The following ANG variants were observed in gnomAD, a reference collection of about 807,000 sequenced individuals.
ANG encodes Homo sapiens epididymis luminal protein 168.
For synonymous variants in ANG, 74 were observed against 73.8 expected (o/e 1.00, Z -0.02); for missense variants, 178 against 187.4 (o/e 0.95, Z 0.29).
Position 20,693,886 on chromosome 14 carries a change from C to T in ANG, c.322C>T (p.His108Tyr), listed in dbSNP as rs1489048735. 3 of 1,614,208 alleles carry T rather than the reference C, an allele frequency of 1.9e-6. No individual in the cohort carries two copies. The highest frequency in any genetic ancestry group is 1.7e-5 in the Admixed American group (1 of 60,028). The part of the protein sequence containing the change: ...SSFQVTTCKL[H>Y]GGSPWPPCQY... Reference sequence around the variant, plus strand: ...TTTCCAGGTCACCACTTGCAAGCTACATGGAGGTTCCCCCTGGCCTCCATG... The same window carrying T: ...TTTCCAGGTCACCACTTGCAAGCTATATGGAGGTTCCCCCTGGCCTCCATG... Residue 108 changes from histidine to tyrosine, a missense_variant, in exon 2 of 2, where the codon CAT becomes TAT. Coordinates refer to ENST00000397990, the MANE Select transcript of ANG (RefSeq NM_001097577.3).
chr14:20,692,596 G>A (rs1431559834), intron 1 of ANG, among the ~76,000 whole-genome samples: 1 of 152,218 alleles, frequency 6.6e-6, no homozygotes. Context: ...CACTCTTTAT[G>A]AGAATCTAAC....
intron 1 of ANG, among the ~76,000 whole-genome samples, chr14:20,689,629 A>G (rs1886602337): frequency 6.6e-6 from 1 of 152,222 alleles, no homozygotes; most frequent in Non-Finnish European, 1.5e-5. Context: ...TCTAAAGAAC[A>G]GTTGGGGCCA....
At chr14:20,690,517 T>C (rs2139011671) in intron 1 of ANG, among the ~76,000 whole-genome samples, 1 of 152,282 alleles carries the variant, frequency 6.6e-6, no homozygotes, top group African/African-American at 2.4e-5. Context: ...AGGGAGCAGA[T>C]GTTAGATATT....
upstream of ANG, chr14:20,688,757 AG>A: frequency 1.2e-5 from 12 of 985,238 alleles, no homozygotes; most frequent in Non-Finnish European, 1.4e-5. Flanking sequence ...CTATATAATC[AG>A]AACCTGGAGA....
chr14:20,694,099 A>T lies in ANG; in HGVS notation c.*91A>T, dbSNP rs924506738. ...AACAGTGGTGGCAACATTCATTGCC[A>T]AGGGCCCAAAGAAAGAGCTACCTGG... On this transcript the variant is annotated 3_prime_UTR_variant, in exon 2 of 2. Transcript: ENST00000397990. The T allele has an allele frequency of 1.4e-6, 2 of 1,447,008 alleles. No homozygotes were observed. Among genetic ancestry groups the T allele is most frequent in the Admixed American group, 3.4e-5 (2 of 59,496 alleles). The allele number at this position is 1,447,008 out of a possible 1,614,324, so 89.6% of individuals were successfully genotyped here.
In ANG at chr14:20,693,907, C is replaced by T; in HGVS notation, c.343C>T (p.Pro115Ser). Residue 115 changes from proline to serine, a missense_variant, in exon 2 of 2, where the codon CCA becomes TCA. Transcript: ENST00000397990. ...GCTACATGGAGGTTCCCCCTGGCCT[C>T]CATGCCAGTACCGAGCCACAGCGGG... ...CKLHGGSPWP[P>S]CQYRATAGFR... 6.2e-7 allele frequency: 1 copy of T among 1,614,208 alleles called. No homozygotes were observed. The highest frequency in any genetic ancestry group is 8.5e-7 in the Non-Finnish European group (1 of 1,180,030).
intron 1 of ANG, among the ~76,000 whole-genome samples, chr14:20,689,646 G>A (rs1328775801): frequency 6.6e-6 from 1 of 152,212 alleles, no homozygotes; most frequent in Non-Finnish European, 1.5e-5. Context: ...GCCAGGTGTG[G>A]TGGCTCACAC....
intron 1 of ANG, among the ~76,000 whole-genome samples, chr14:20,690,774 A>G (rs948839526): frequency 4.6e-5 from 7 of 152,228 alleles, no homozygotes; most frequent in Admixed American, 3.3e-4. Flanking sequence ...AATGAAGTCA[A>G]TTACTTAAAA....
At chr14:20,691,660 G>A (rs1327545019) in intron 1 of ANG, among the ~76,000 whole-genome samples, 1 of 152,156 alleles carries the variant, frequency 6.6e-6, no homozygotes. Context: ...GACAAATGTC[G>A]GTGCGGACAA....
At position 20,693,704 on chromosome 14, in the gene ANG, A is replaced by C; in HGVS notation, c.140A>C (p.Asp47Ala). 6.2e-7 allele frequency: 1 copy of C among 1,614,232 alleles called. No homozygotes were observed. Among genetic ancestry groups the C allele is most frequent in the Non-Finnish European group, 8.5e-7 (1 of 1,180,040 alleles). The change falls in exon 2 of 2, where the codon GAC becomes GCC. Residue 47 changes from aspartate (D) to alanine (A), a missense_variant. Physicochemically the swap from Asp to Ala is moderately radical, Grantham distance 126. Coordinates refer to ENST00000397990, the MANE Select transcript of ANG (RefSeq NM_001097577.3). ...HYDAKPQGRD[D>A]RYCESIMRRR... is the part of the protein sequence containing the mutation. ...GATGCCAAACCACAGGGCCGGGATG[A>C]CAGATACTGTGAAAGCATCATGAGG...
intron 1 of ANG, among the ~76,000 whole-genome samples, chr14:20,690,221 CAAAAAAAAAA>C (rs36091065): frequency 8.8e-5 from 6 of 67,980 alleles, no homozygotes; most frequent in East Asian, 4.7e-4. Flanking sequence ...GACTCCGTCT[CAAAAAAAAAA>C]AAAAAAAAAA....
At chr14:20,692,952 A>G (rs1202210976) in intron 1 of ANG, among the ~76,000 whole-genome samples, 1 of 151,840 alleles carries the variant, frequency 6.6e-6, no homozygotes, top group East Asian at 1.9e-4. Context: ...GGTTCACGCC[A>G]TTCTCCTGCC....
chr14:20,685,088 C>A (rs528232068), upstream of ANG, among the ~76,000 whole-genome samples: 2 of 152,172 alleles, frequency 1.3e-5, no homozygotes, highest in Non-Finnish European at 2.9e-5. Context: ...GAAAGCTTTG[C>A]TAGTTATTCA....
upstream of ANG, among the ~76,000 whole-genome samples, chr14:20,685,336 C>A (rs905602132): frequency 2.6e-5 from 4 of 152,186 alleles, no homozygotes; most frequent in Admixed American, 6.5e-5. Flanking sequence ...AATAGCAGCA[C>A]ATGAGTAAAG....
At chr14:20,693,469 G>T in intron 1 of ANG, 78 bp from the exon 2 acceptor site, 1 of 1,575,410 alleles carries the variant, frequency 6.3e-7, no homozygotes, top group South Asian at 1.1e-5. Context: ...CCGTGTCAGA[G>T]AGCAAAGCTC....
chr14:20,691,183 C>A (rs1416646847), intron 1 of ANG, among the ~76,000 whole-genome samples: 1 of 152,160 alleles, frequency 6.6e-6, no homozygotes, highest in African/African-American at 2.4e-5. Context: ...CTAGAGAAGA[C>A]ATTAGTAACA....
chr14:20,687,951 T>C (rs1003705517), upstream of ANG, among the ~76,000 whole-genome samples: 1 of 152,188 alleles, frequency 6.6e-6, no homozygotes, highest in Non-Finnish European at 1.5e-5. Flanking sequence ...TGTGAAACAG[T>C]TGGTACCCTG....
chr14:20,692,992 C>T (rs1281676985), intron 1 of ANG, among the ~76,000 whole-genome samples: 4 of 151,318 alleles, frequency 2.6e-5, no homozygotes, highest in Non-Finnish European at 5.9e-5. Context: ...GGACTACAGG[C>T]GCCCGCCACT....
chr14:20,691,082 A>G (rs548914579), intron 1 of ANG, among the ~76,000 whole-genome samples: 1 of 152,338 alleles, frequency 6.6e-6, no homozygotes, highest in South Asian at 2.1e-4. Context: ...CAGAGATTCT[A>G]AACAGGTTCA....
Sources: allele counts gnomAD v4.1 joint callset (sites outside exome capture counted in the v4.1 genomes callset), GRCh38; gene constraint gnomAD v4.1.1; transcripts MANE v1.5; gene names NCBI Gene and HGNC (gene_info 2026-07-23, HGNC 2026-07-21).